The following PIGP variants were observed in gnomAD, a reference collection of about 807,000 sequenced individuals.
The protein encoded by PIGP is phosphatidylinositol glycan anchor biosynthesis class P.
A neutral mutation model predicts 16.9 loss-of-function variants in PIGP; 12 were observed. The ratio of observed to expected loss-of-function variants is 0.71; its 90% confidence interval spans 0.46 to 1.15. The LOEUF (loss-of-function observed/expected upper bound fraction) is 1.15. Ranked by LOEUF, PIGP falls within the 50% of genes most tolerant of loss-of-function variation. PIGP has a pLI of 0.00. For synonymous variants in PIGP, 57 were observed against 54.7 expected (o/e 1.04, Z -0.18); for missense variants, 159 against 153.5 (o/e 1.04, Z -0.19).
chr21:37,072,652 C>A, intron 1 of PIGP, 115 bp from the exon 2 acceptor site: 3 of 1,561,444 alleles, frequency 1.9e-6, no homozygotes, highest in Middle Eastern at 2.0e-4. Context: ...CCGCCTCCCG[C>A]GCCTCCGTCC....
At chr21:37,072,335 G>A in intron 2 of PIGP, 99 bp downstream of exon 2, 1 of 1,596,056 alleles carries the variant, frequency 6.3e-7, no homozygotes, top group Non-Finnish European at 8.5e-7. Context: ...TAGGGAGAAA[G>A]AATCAACAGT....
chr21:37,067,699 G>A lies in PIGP; in HGVS notation c.156-319C>T, dbSNP rs527777732. On this transcript the variant is annotated intron_variant, in intron 3 of 4. Coordinates refer to ENST00000360525, the MANE Select transcript of PIGP (RefSeq NM_153682.3). ...TTTCCATTACAGACATTTTCTCTAG[G>A]CTTCCTAATATGGAGATAAGGAATT... Among the ~76,000 whole-genome samples the A allele has an allele frequency of 1.4e-3, 208 of 152,130 alleles. 2 individuals carry two copies. Among genetic ancestry groups the A allele is most frequent in the African/African-American group, 4.9e-3 (202 of 41,492 alleles).
At chr21:37,065,923 AAC>A (rs1325200110) in intron 4 of PIGP, among the ~76,000 whole-genome samples, 4 of 152,044 alleles carry the variant, frequency 2.6e-5, no homozygotes, top group African/African-American at 4.8e-5. Flanking sequence ...TAAAAACACA[AAC>A]ACACAAAATT....
intron 4 of PIGP, 151 bp downstream of exon 4, chr21:37,067,110 GA>G: frequency 1.7e-6 from 1 of 604,264 alleles, no homozygotes; most frequent in Non-Finnish European, 3.0e-6. Flanking sequence ...GGGTTCAAGT[GA>G]TTCTCCTGCC....
chr21:37,065,669 C>T lies in PIGP; in HGVS notation c.318G>A (p.Glu106=), dbSNP rs1023571906. Residue 106 remains glutamate, a synonymous_variant, in exon 5 of 5, where the codon GAG becomes GAA. Coordinates refer to ENST00000360525, the MANE Select transcript of PIGP (RefSeq NM_153682.3). ...KNQQQKKYQE[E]AIPALRDISI... Reference sequence around the variant, plus strand: ...AAATATCTCTTAAGGCTGGAATGGCCTCCTCTTGGTATTTCTTCTGCTGTT... The same window carrying T: ...AAATATCTCTTAAGGCTGGAATGGCTTCCTCTTGGTATTTCTTCTGCTGTT... The T allele has an allele frequency of 3.7e-6, 6 of 1,613,366 alleles. No homozygotes were observed. The African/African-American group carries it at 6.7e-5, about 18-fold the overall frequency.
chr21:37,072,199 A>G (rs947072097), intron 2 of PIGP: 1 of 1,580,652 alleles, frequency 6.3e-7, no homozygotes, highest in Non-Finnish European at 8.7e-7. Flanking sequence ...ACCAGGCTTT[A>G]TCCACTTTGC....
At chr21:37,072,727 G>C (rs2070190403) in intron 1 of PIGP, 190 bp from the exon 2 acceptor site, 1 of 861,564 alleles carries the variant, frequency 1.2e-6, no homozygotes, top group South Asian at 1.6e-5. Context: ...CGCAACAGAA[G>C]GGGTGGCGGA....
At position 37,072,493 on chromosome 21, in the gene PIGP, G is replaced by A. The variant is rs2070141354; in HGVS notation, c.23C>T (p.Pro8Leu). 2 of 1,614,246 alleles carry A rather than the reference G, an allele frequency of 1.2e-6. No individual in the cohort carries two copies. Among genetic ancestry groups the A allele is most frequent in the Non-Finnish European group, 1.7e-6 (2 of 1,180,040 alleles). MVENSPS[P>L]LPERAIYGFV... is the part of the protein sequence containing the mutation. ...GCCATAAATCGCTCTTTCTGGCAAT[G>A]GCGACGGTGAATTTTCCACCATTTT... is the stretch of plus-strand genomic sequence containing the variant. Residue 8 changes from proline (P) to leucine (L), a missense_variant, in exon 2 of 5, where the codon CCA becomes CTA. Coordinates refer to ENST00000360525, the MANE Select transcript of PIGP (RefSeq NM_153682.3).
chr21:37,069,504 C>A, intron 3 of PIGP, 48 bp downstream of exon 3: 1 of 1,193,014 alleles, frequency 8.4e-7, no homozygotes, highest in South Asian at 1.5e-5. Flanking sequence ...TATGACTCCT[C>A]AAAACAGCAT....
chr21:37,069,295 G>GC (rs2069958792), intron 3 of PIGP: 1 of 202,180 alleles, frequency 4.9e-6, no homozygotes. Flanking sequence ...TGTATCTTCA[G>GC]TTTTTTTTTT....
chr21:37,067,635 T>C (rs1409243098), intron 3 of PIGP, among the ~76,000 whole-genome samples: 4 of 152,296 alleles, frequency 2.6e-5, no homozygotes, highest in South Asian at 2.1e-4. Flanking sequence ...TACCTCCTCA[T>C]TGCTACAAAA....
chr21:37,069,032 AG>A (rs2069954164), intron 3 of PIGP, among the ~76,000 whole-genome samples: 1 of 152,178 alleles, frequency 6.6e-6, no homozygotes, highest in South Asian at 2.1e-4. Flanking sequence ...TTGAGGGCTG[AG>A]GGAGATTTGA....
Position 37,072,451 on chromosome 21 carries a change from C to T in PIGP, c.65G>A (p.Ser22Asn), listed in dbSNP as rs369536171. 2.5e-6 allele frequency: 4 copies of T among 1,614,222 alleles called. No individual in the cohort carries two copies. Among genetic ancestry groups the T allele is most frequent in the Non-Finnish European group, 2.5e-6 (3 of 1,180,018 alleles). ...GTACTTACTGAAGCCAAATTGGGAG[C>T]TTAAGAAAAGAACAAAGCCATAAAT... ...RAIYGFVLFL[S>N]SQFGFILYLV... is the part of the protein sequence containing the mutation. Residue 22 changes from serine to asparagine, a missense_variant, in exon 2 of 5, where the codon AGC becomes AAC. Physicochemically the swap from Ser to Asn is conservative, Grantham distance 46 (BLOSUM62 1). Coordinates refer to ENST00000360525, the MANE Select transcript of PIGP (RefSeq NM_153682.3).
chr21:37,067,418 TA>T (rs202237435), intron 3 of PIGP, 38 bp from the exon 4 acceptor site: 1 of 1,167,812 alleles, frequency 8.6e-7, no homozygotes, highest in Non-Finnish European at 1.3e-6. Flanking sequence ...ATAGACACTT[TA>T]AAAAAGTTGT....
intron 3 of PIGP, 32 bp from the exon 4 acceptor site, chr21:37,067,412 A>C (rs1311113662): frequency 1.7e-6 from 2 of 1,199,794 alleles, no homozygotes; most frequent in East Asian, 4.7e-5. Flanking sequence ...TACATAATAG[A>C]CACTTTAAAA....
chr21:37,067,611 T>G (rs1691654534), intron 3 of PIGP, among the ~76,000 whole-genome samples: 1 of 152,218 alleles, frequency 6.6e-6, no homozygotes, highest in Non-Finnish European at 1.5e-5. Context: ...GCACTTGAGC[T>G]GTCTTCTGGT....
intron 1 of PIGP, 48 bp from the exon 2 acceptor site, chr21:37,072,585 C>CGTG (rs768149094): frequency 1.2e-6 from 2 of 1,613,786 alleles, no homozygotes; most frequent in African/African-American, 2.7e-5. Flanking sequence ...TCCGTGGCAC[C>CGTG]ATTGATCCAT....
Position 37,072,495 on chromosome 21 carries a change from C to G in PIGP, c.21G>C (p.Ser7=). 2.5e-6 allele frequency: 4 copies of G among 1,614,220 alleles called. No individual in the cohort carries two copies. The highest frequency in any genetic ancestry group is 3.4e-6 in the Non-Finnish European group (4 of 1,180,028). The change falls in exon 2 of 5, where the codon TCG becomes TCC. Residue 7 remains serine (S), a synonymous_variant. Transcript: ENST00000360525. MVENSP[S]PLPERAIYGF... is the part of the protein sequence containing the mutation. ...CATAAATCGCTCTTTCTGGCAATGG[C>G]GACGGTGAATTTTCCACCATTTTTC...
intron 1 of PIGP, chr21:37,072,766 C>T (rs2070196764): frequency 3.2e-6 from 2 of 628,994 alleles, no homozygotes; most frequent in Admixed American, 3.1e-5. Flanking sequence ...GGTTCTGGGG[C>T]GATAGACGCG....
Sources: gnomAD v4.1 joint callset for allele counts (sites outside exome capture counted in the v4.1 genomes callset) on GRCh38, gnomAD v4.1.1 for gene constraint, MANE v1.5 for transcripts, NCBI Gene and HGNC (gene_info 2026-07-23, HGNC 2026-07-21) for gene names.